YTHDC2: variants seen among roughly 807,000 people sequenced by gnomAD.
The protein encoded by YTHDC2 is YTH N6-methyladenosine RNA binding protein C2, also known as 3'-5' RNA helicase YTHDC2.
YTHDC2 carries 45 observed loss-of-function variants against 174.9 expected under a neutral mutation model. That is an observed-to-expected ratio of 0.26 (90% CI 0.20 to 0.33). The LOEUF (loss-of-function observed/expected upper bound fraction) is 0.33, where lower values mean the gene tolerates loss of function less well. YTHDC2 is among the 10% of genes least tolerant of loss of function. YTHDC2 has a pLI of 1.00. For synonymous variants in YTHDC2, 657 were observed against 574.5 expected, an observed-to-expected ratio of 1.14 and a Z score of -2.05; for missense variants, 1,650 against 1,723.7, an observed-to-expected ratio of 0.96 and a Z score of 0.76.
chr5:113,532,550 T>G (rs1300380087), intron 4 of YTHDC2, among the ~76,000 whole-genome samples: 2 of 152,200 alleles, frequency 1.3e-5, no homozygotes, highest in East Asian at 3.8e-4. Flanking sequence ...CAGCATTGAT[T>G]ATCCCCATCC....
At chr5:113,580,432 A>T (rs1008964541) in intron 24 of YTHDC2, among the ~76,000 whole-genome samples, 1 of 151,896 alleles carries the variant, frequency 6.6e-6, no homozygotes, top group African/African-American at 2.4e-5. Context: ...TTGAGGGAGG[A>T]TGAATGTTTC....
At chr5:113,561,957 G>GGTGGGTGGGTGGGTGT (rs1347716150) in intron 18 of YTHDC2, among the ~76,000 whole-genome samples, 181 of 134,910 alleles carry the variant, frequency 1.3e-3, no homozygotes, top group Non-Finnish European at 2.4e-3. Context: ...ATTAATTGTG[G>GGTGGGTGGGTGGGTGT]GTGTGTGTGT....
chr5:113,533,555 A>G (rs1401514631), intron 5 of YTHDC2, among the ~76,000 whole-genome samples: 2 of 152,076 alleles, frequency 1.3e-5, no homozygotes, highest in Non-Finnish European at 2.9e-5. Flanking sequence ...CTCAAAAAAA[A>G]AAAAAAATTC....
At chr5:113,569,018 TC>T (rs1053541415) in intron 23 of YTHDC2, among the ~76,000 whole-genome samples, 2 of 152,214 alleles carry the variant, frequency 1.3e-5, no homozygotes. Flanking sequence ...CTCTACAACC[TC>T]ACCAGCATGT....
rs150497401 is a variant in YTHDC2 at position 113,584,343 on chromosome 5, A to T, written c.3689A>T (p.Gln1230Leu). Residue 1230 changes from glutamine (Q) to leucine (L), a missense_variant, in exon 26 of 30, where the codon CAG becomes CTG. Gln to Leu is a moderately radical substitution (Grantham distance 113). This residue lies in a region of YTHDC2 where 913 missense variants were observed against 940.4 expected (regional missense o/e 0.97). Coordinates refer to ENST00000161863, the MANE Select transcript of YTHDC2 (RefSeq NM_022828.5). ...KSPSPALHPPQKYKDRGILHP... is the reference protein window; with the variant it reads ...KSPSPALHPPLKYKDRGILHP... ...CCATCTCCAGCATTACACCCACCTC[A>T]GAAGTACAAAGATAGAGGAATTTTA... The T allele has an allele frequency of 2.4e-5, 39 of 1,613,806 alleles. No individual in the cohort carries two copies. The highest frequency in any genetic ancestry group is 3.2e-5 in the Non-Finnish European group (38 of 1,179,848).
At chr5:113,533,094 C>A in intron 5 of YTHDC2, 49 bp downstream of exon 5, 1 of 1,588,040 alleles carries the variant, frequency 6.3e-7, no homozygotes, top group Non-Finnish European at 8.6e-7. Flanking sequence ...TTAAAAAAGA[C>A]TATGTATATT....
intron 23 of YTHDC2, among the ~76,000 whole-genome samples, chr5:113,577,647 G>C (rs1385784429): frequency 5.9e-5 from 9 of 152,140 alleles, no homozygotes; most frequent in African/African-American, 2.2e-4. Context: ...TGGGATTACA[G>C]GCGTGAGCCA....
At chr5:113,568,624 G>A (rs1777513368) in intron 23 of YTHDC2, among the ~76,000 whole-genome samples, 1 of 152,166 alleles carries the variant, frequency 6.6e-6, no homozygotes, top group African/African-American at 2.4e-5. Context: ...AACATGCGGT[G>A]TTTGGTTTTC....
At position 113,567,208 on chromosome 5, in the gene YTHDC2, G is replaced by T. The variant is rs757994040; in HGVS notation, c.2959G>T (p.Asp987Tyr). 7 of 1,613,756 alleles carry T rather than the reference G, an allele frequency of 4.3e-6. No homozygotes were observed. The highest frequency in any genetic ancestry group is 5.9e-6 in the Non-Finnish European group (7 of 1,179,892). Reference sequence around the variant, plus strand: ...CATGTATCCTAATTTAGTCCACGTGGACAGAGAGAATCTAGTGTTGACAGG... The same window carrying T: ...CATGTATCCTAATTTAGTCCACGTGTACAGAGAGAATCTAGTGTTGACAGG... Reference protein sequence around the residue: ...AGMYPNLVHVDRENLVLTGPK... With the variant: ...AGMYPNLVHVYRENLVLTGPK... Residue 987 changes from aspartate (D) to tyrosine (Y), a missense_variant, in exon 22 of 30, where the codon GAC (aspartate) becomes TAC (tyrosine). Physicochemically the swap from Asp to Tyr is radical, Grantham distance 160 (BLOSUM62 -3). Coordinates refer to ENST00000161863, the MANE Select transcript of YTHDC2 (RefSeq NM_022828.5).
At chr5:113,549,139 T>G (rs993635011) in intron 12 of YTHDC2, 119 bp downstream of exon 12, 19 of 850,742 alleles carry the variant, frequency 2.2e-5, no homozygotes, top group Admixed American at 3.2e-5. Flanking sequence ...AGATTTTTTT[T>G]TGTGATTCTA....
At chr5:113,579,185 G>A (rs1407787621) in intron 23 of YTHDC2, among the ~76,000 whole-genome samples, 1 of 151,976 alleles carries the variant, frequency 6.6e-6, no homozygotes, top group Non-Finnish European at 1.5e-5. Context: ...ATATTTAGCT[G>A]TATACTTTTT....
In YTHDC2 at chr5:113,542,436, A is replaced by G. The variant is rs1775551556; in HGVS notation, c.1428A>G (p.Ile476Met). 6.2e-7 allele frequency: 1 copy of G among 1,613,058 alleles called. No homozygotes were observed. Residue 476 changes from isoleucine (I) to methionine (M), a missense_variant, in exon 10 of 30, where the codon ATA (isoleucine) becomes ATG (methionine). Physicochemically the swap from Ile to Met is conservative, Grantham distance 10. Transcript: ENST00000161863. ...IKEMDACLSD[I>M]WLHKDIDAFA... ...AAATGGATGCTTGCCTTTCTGATAT[A>G]TGGCTACATAAAGATATTGATGCCT...
At chr5:113,562,632 G>A (rs937320527) in intron 18 of YTHDC2, among the ~76,000 whole-genome samples, 3 of 152,092 alleles carry the variant, frequency 2.0e-5, no homozygotes, top group South Asian at 2.1e-4. Context: ...TCTCAAGCAC[G>A]TCTTTTTTCC....
Position 113,554,522 on chromosome 5 carries a change from A to G in YTHDC2, c.2133+500A>G, listed in dbSNP as rs146230965. Among the ~76,000 whole-genome samples the G allele has an allele frequency of 2.8e-3, 427 of 152,168 alleles. 3 individuals carry two copies. Among genetic ancestry groups the G allele is most frequent in the African/African-American group, 9.6e-3 (398 of 41,566 alleles). ...AACCATGCTGAAAGAAAGCAAAGAAATAGATAAACCATGGGATAACCAGCA... is the reference window on the plus strand; with the variant it reads ...AACCATGCTGAAAGAAAGCAAAGAAGTAGATAAACCATGGGATAACCAGCA... On this transcript the variant is annotated intron_variant, in intron 16 of 29. Transcript: ENST00000161863.
intron 16 of YTHDC2, among the ~76,000 whole-genome samples, chr5:113,555,528 G>C (rs1776547128): frequency 6.6e-6 from 1 of 152,278 alleles, no homozygotes; most frequent in Non-Finnish European, 1.5e-5. Context: ...TAACGTTCGG[G>C]AAAGGCTAAC....
chr5:113,571,129 CTCT>C (rs1777688769), intron 23 of YTHDC2, among the ~76,000 whole-genome samples: 1 of 152,158 alleles, frequency 6.6e-6, no homozygotes, highest in African/African-American at 2.4e-5. Context: ...TCATAAATAG[CTCT>C]TATTATTTTG....
chr5:113,548,349 A>G (rs762524083), intron 10 of YTHDC2, among the ~76,000 whole-genome samples, 192 bp from the exon 11 acceptor site: 1 of 152,142 alleles, frequency 6.6e-6, no homozygotes, highest in Non-Finnish European at 1.5e-5. Context: ...AATTTACACT[A>G]GACATATCAT....
rs754649486 is a variant in YTHDC2 at position 113,540,991 on chromosome 5, A to T, written c.1234A>T (p.Thr412Ser). Reference protein sequence around the residue: ...QQEEKQQTTLTEWYSAQENSF... With the variant: ...QQEEKQQTTLSEWYSAQENSF... ...AGAAGAGAAACAACAAACCACACTT[A>T]CAGAATGGTACTCAGCTCAAGAAAA... The change falls in exon 9 of 30, where the codon ACA becomes TCA. Residue 412 changes from threonine (T) to serine (S), a missense_variant. By Grantham distance (58) the Thr-to-Ser change is moderately conservative (BLOSUM62 1). This residue lies in a region of YTHDC2 where 411 missense variants were observed against 380.6 expected (regional missense o/e 1.08). Transcript: ENST00000161863. 4.3e-6 allele frequency: 7 copies of T among 1,613,316 alleles called. No individual in the cohort carries two copies. The East Asian group carries it at 1.1e-4, about 26-fold the overall frequency.
At chr5:113,585,691 G>A (rs186377808) in intron 26 of YTHDC2, among the ~76,000 whole-genome samples, 5 of 150,986 alleles carry the variant, frequency 3.3e-5, no homozygotes, top group East Asian at 4.0e-4. Context: ...TATATGTAAC[G>A]TTTTGTGTCT....
Sources: allele counts gnomAD v4.1 joint callset (sites outside exome capture counted in the v4.1 genomes callset), GRCh38; gene constraint gnomAD v4.1.1; regional missense constraint gnomAD v4.1.1; transcripts MANE v1.5; gene names NCBI Gene and HGNC (gene_info 2026-07-23, HGNC 2026-07-21).